DIMT1: variants seen among roughly 807,000 people sequenced by gnomAD.
DIMT1 encodes the protein DIM1 rRNA methyltransferase and ribosome maturation factor, also known as dimethyladenosine transferase.
A neutral mutation model predicts 43.2 loss-of-function variants in DIMT1; 36 were observed. The observed-to-expected ratio is 0.83, with a 90% confidence interval of 0.64 to 1.10. The LOEUF is 1.10. DIMT1 is among the 50% of genes least tolerant of loss of function. The pLI is 0.00. For synonymous variants in DIMT1, 126 were observed against 130.3 expected, an observed-to-expected ratio of 0.97 and a Z score of 0.22; for missense variants, 341 against 385.3, an observed-to-expected ratio of 0.88 and a Z score of 0.96.
chr5:62,392,867 T>C, intron 9 of DIMT1, 59 bp downstream of exon 9: 2 of 1,231,620 alleles, frequency 1.6e-6, no homozygotes, highest in Non-Finnish European at 2.4e-6. Context: ...AGGACCAAAT[T>C]CTAGCATAGT....
At chr5:62,392,133 ACAAAT>A (rs1227820272) in intron 10 of DIMT1, 33 bp downstream of exon 10, 8 of 1,606,760 alleles carry the variant, frequency 5.0e-6, no homozygotes, top group East Asian at 2.2e-5. Context: ...TTAAAAGAAA[ACAAAT>A]CAATGAAACT....
In DIMT1 at chr5:62,393,989, T is replaced by C. The variant is rs747435465; in HGVS notation, c.629A>G (p.Glu210Gly). 7 of 1,611,788 alleles carry C rather than the reference T, an allele frequency of 4.3e-6. No homozygotes were observed. The South Asian group carries it at 7.7e-5, about 18-fold the overall frequency. Residue 210 changes from glutamate to glycine, a missense_variant, in exon 8 of 12, where the codon GAA becomes GGA. Coordinates refer to ENST00000199320, the MANE Select transcript of DIMT1 (RefSeq NM_014473.4). ...GATGGGTGGTGGTGGATTCTTAGGT[T>C]CTATCCTTACAACACTGGATTCCAC... ...PKVESSVVRI[E>G]PKNPPPPINF...
chr5:62,390,820 C>T (rs2257389), intron 11 of DIMT1, 56 bp downstream of exon 11: 248,677 of 1,417,348 alleles, frequency 0.18, 23,520 homozygotes, highest in East Asian at 0.35. Flanking sequence ...AATCTCCAAT[C>T]TGAAGGTGTC....
chr5:62,399,258 G>T (rs1742610784), intron 3 of DIMT1, among the ~76,000 whole-genome samples: 1 of 152,244 alleles, frequency 6.6e-6, no homozygotes, highest in Admixed American at 6.5e-5. Flanking sequence ...CCTGAGGTCA[G>T]GAGTTCGAAA....
rs1297962835 is a variant in DIMT1, at chr5:62,390,992, T to C, written c.793-10A>G. On this transcript the variant is annotated splice_polypyrimidine_tract_variant and intron_variant, in intron 10 of 11. Coordinates refer to ENST00000199320, the MANE Select transcript of DIMT1 (RefSeq NM_014473.4). Reference sequence around the variant, plus strand: ...AATCTTCTGGTATTATCTATCAATATAAGATTCAGAATAAATGAACGACAT... The same window carrying C: ...AATCTTCTGGTATTATCTATCAATACAAGATTCAGAATAAATGAACGACAT... 1 of 1,606,702 alleles carries C rather than the reference T, an allele frequency of 6.2e-7. No homozygotes were observed. The highest frequency in any genetic ancestry group is 1.7e-5 in the Admixed American group (1 of 60,018).
intron 6 of DIMT1, among the ~76,000 whole-genome samples, chr5:62,397,084 G>A (rs1742521253): frequency 6.6e-6 from 1 of 152,080 alleles, no homozygotes; most frequent in African/African-American, 2.4e-5. Flanking sequence ...CGAGTAGCTG[G>A]GATTATAGGT....
rs768400061 is a variant in DIMT1 at position 62,388,819 on chromosome 5, A to G, written c.*191T>C. 5.2e-5 allele frequency: 32 copies of G among 610,664 alleles called. No individual in the cohort carries two copies. The highest frequency in any genetic ancestry group is 8.8e-5 in the Non-Finnish European group (30 of 341,978). 37.8% of individuals were successfully genotyped at this position (610,664 alleles called of 1,614,324 possible). A position where few individuals can be genotyped will look rare whatever the true frequency, so the allele number is the denominator to read the frequency against. On this transcript the variant is annotated 3_prime_UTR_variant, in exon 12 of 12. Coordinates refer to ENST00000199320, the MANE Select transcript of DIMT1 (RefSeq NM_014473.4). ...ATAGATTGGACCAGCATTATATATT[A>G]AAAACTTTGATACTTAGAACTTTCC...
intron 6 of DIMT1, among the ~76,000 whole-genome samples, chr5:62,397,815 GT>G (rs1254064686): frequency 6.6e-6 from 1 of 152,040 alleles, no homozygotes; most frequent in Non-Finnish European, 1.5e-5. Context: ...CGCCCGGCTA[GT>G]TTTTTGTATT....
intron 3 of DIMT1, among the ~76,000 whole-genome samples, chr5:62,399,085 A>T (rs1742606203): frequency 2.0e-5 from 3 of 152,160 alleles, no homozygotes; most frequent in African/African-American, 2.4e-5. Context: ...TAATCCCAGC[A>T]CTTTGGAAGG....
At chr5:62,393,162 C>T (rs999217071) in intron 8 of DIMT1, among the ~76,000 whole-genome samples, 172 bp from the exon 9 acceptor site, 1 of 152,086 alleles carries the variant, frequency 6.6e-6, no homozygotes, top group Non-Finnish European at 1.5e-5. Flanking sequence ...GTAAGACATA[C>T]ATTTGATTTT....
intron 6 of DIMT1, among the ~76,000 whole-genome samples, chr5:62,397,324 G>C (rs1194194026): frequency 6.6e-6 from 1 of 152,152 alleles, no homozygotes; most frequent in Non-Finnish European, 1.5e-5. Context: ...TGAGTACAAT[G>C]TTTTTTGTTT....
intron 3 of DIMT1, among the ~76,000 whole-genome samples, chr5:62,399,906 A>AAAACAAAC (rs146632636): frequency 9.8e-4 from 149 of 152,168 alleles, no homozygotes; most frequent in African/African-American, 3.3e-3. Context: ...CTCCATCTCA[A>AAAACAAAC]AAACAAACAA....
At chr5:62,398,964 G>T in intron 3 of DIMT1, 83 bp from the exon 4 acceptor site, 1 of 1,061,920 alleles carries the variant, frequency 9.4e-7, no homozygotes, top group Non-Finnish European at 1.4e-6. Context: ...ACTCTTACAT[G>T]ATTTATGTGA....
intron 11 of DIMT1, among the ~76,000 whole-genome samples, chr5:62,390,435 A>G (rs934433919): frequency 6.6e-6 from 1 of 152,244 alleles, no homozygotes; most frequent in African/African-American, 2.4e-5. Flanking sequence ...GCATTATTGT[A>G]TGCTTAAGAT....
At chr5:62,399,860 C>G (rs926778723) in intron 3 of DIMT1, among the ~76,000 whole-genome samples, 1 of 151,990 alleles carries the variant, frequency 6.6e-6, no homozygotes, top group African/African-American at 2.4e-5. Context: ...GAGCCGAGAT[C>G]GCGCCACAGC....
intron 11 of DIMT1, among the ~76,000 whole-genome samples, chr5:62,390,068 T>TGTG (rs1742233321): frequency 6.6e-6 from 1 of 152,202 alleles, no homozygotes; most frequent in Admixed American, 6.5e-5. Flanking sequence ...TATATAGAAC[T>TGTG]GTGTTTCCAG....
chr5:62,392,876 G>T, intron 9 of DIMT1, 50 bp downstream of exon 9: 2 of 1,299,014 alleles, frequency 1.5e-6, no homozygotes, highest in Non-Finnish European at 2.2e-6. Context: ...TTCTAGCATA[G>T]TATCTGGAGC....
At chr5:62,392,353 G>T in intron 9 of DIMT1, 119 bp from the exon 10 acceptor site, 1 of 760,982 alleles carries the variant, frequency 1.3e-6, no homozygotes, top group Non-Finnish European at 2.2e-6. Flanking sequence ...CATTTTAGAT[G>T]AAATTAAATC....
At chr5:62,392,537 C>T (rs1742346718) in intron 9 of DIMT1, among the ~76,000 whole-genome samples, 1 of 152,084 alleles carries the variant, frequency 6.6e-6, no homozygotes, top group South Asian at 2.1e-4. Flanking sequence ...CCCTGTAAAA[C>T]TGTGTCTCAC....
Sources: allele counts gnomAD v4.1 joint callset (sites outside exome capture counted in the v4.1 genomes callset), GRCh38; gene constraint gnomAD v4.1.1; transcripts MANE v1.5; gene names NCBI Gene and HGNC (gene_info 2026-07-23, HGNC 2026-07-21).